The following ADAMTSL1 variants were observed in gnomAD, a reference collection of about 807,000 sequenced individuals.
ADAMTSL1 encodes the protein ADAMTS-like protein 1.
Under a neutral mutation model 201.8 loss-of-function variants are expected in ADAMTSL1, and 126 were observed. That is an observed-to-expected ratio of 0.62 (90% CI 0.54 to 0.72). The LOEUF (loss-of-function observed/expected upper bound fraction) is 0.72. Ranked by LOEUF, ADAMTSL1 falls within the 30% of genes least tolerant of loss-of-function variation. The pLI is 0.00. For synonymous variants in ADAMTSL1, 1,121 were observed against 903.4 expected (o/e 1.24, Z -4.32); for missense variants, 2,679 against 2,277.8 (o/e 1.18, Z -3.59).
intron 1 of ADAMTSL1, among the ~76,000 whole-genome samples, chr9:18,111,389 T>A (rs1824999129): frequency 6.6e-6 from 1 of 152,150 alleles, no homozygotes; most frequent in East Asian, 1.9e-4. Context: ...TTAAGGAAAA[T>A]TTTATCCATG....
intron 13 of ADAMTSL1, among the ~76,000 whole-genome samples, chr9:18,692,453 C>G (rs1291500227): frequency 1.3e-5 from 2 of 151,700 alleles, no homozygotes; most frequent in Non-Finnish European, 2.9e-5. Flanking sequence ...TGGCTACTTT[C>G]AGAAAGCTAA....
intron 1 of ADAMTSL1, among the ~76,000 whole-genome samples, chr9:18,139,689 G>C (rs1826314541): frequency 6.6e-6 from 1 of 152,078 alleles, no homozygotes; most frequent in Non-Finnish European, 1.5e-5. Flanking sequence ...TGCTATGTAG[G>C]TTATATTTTA....
intron 2 of ADAMTSL1, among the ~76,000 whole-genome samples, chr9:18,254,402 C>T (rs545929689): frequency 2.4e-5 from 3 of 124,056 alleles, no homozygotes; most frequent in African/African-American, 6.2e-5. Context: ...TCGCTCTGTC[C>T]CCCAGGCTGG....
At chr9:18,242,753 A>T (rs377386893) in intron 2 of ADAMTSL1, among the ~76,000 whole-genome samples, 1 of 152,144 alleles carries the variant, frequency 6.6e-6, no homozygotes, top group Non-Finnish European at 1.5e-5. Context: ...AATCCCATTT[A>T]TGATAGTTTT....
At chr9:17,925,213 T>C (rs1826475827) in intron 1 of ADAMTSL1, among the ~76,000 whole-genome samples, 1 of 118,062 alleles carries the variant, frequency 8.5e-6, no homozygotes, top group South Asian at 3.2e-4. Flanking sequence ...CAACAGGTGC[T>C]GAAGAGGATG....
At chr9:18,608,485 TGGG>T (rs66569907) in intron 4 of ADAMTSL1, among the ~76,000 whole-genome samples, 6,336 of 152,304 alleles carry the variant, frequency 0.042, 168 homozygotes, top group East Asian at 0.13. Flanking sequence ...TCTTTCTGAA[TGGG>T]AAAATGTATG....
In ADAMTSL1 at chr9:18,527,617, A is replaced by G. The variant is rs185174096; in HGVS notation, c.192-5630A>G. On this transcript the variant is annotated intron_variant, in intron 2 of 28. Coordinates refer to ENST00000380548, the MANE Select transcript of ADAMTSL1 (RefSeq NM_001040272.6). ...AGGTTGTTAAATGACAGTTGAAACTATAACATCAGGATTTTAAGAAGTGGA... is the reference window on the plus strand; with the variant it reads ...AGGTTGTTAAATGACAGTTGAAACTGTAACATCAGGATTTTAAGAAGTGGA... Among the ~76,000 whole-genome samples, 6 of 152,298 alleles carry G rather than the reference A, an allele frequency of 3.9e-5. No homozygotes were observed. The East Asian group carries it at 5.8e-4, about 15-fold the overall frequency.
intron 1 of ADAMTSL1, among the ~76,000 whole-genome samples, chr9:18,063,623 T>C (rs1475469895): frequency 6.6e-6 from 1 of 152,200 alleles, no homozygotes; most frequent in Non-Finnish European, 1.5e-5. Context: ...CCCGTCAGAA[T>C]GGCGGGCAGC....
At chr9:18,533,023 A>G (rs113655940) in intron 2 of ADAMTSL1, among the ~76,000 whole-genome samples, 34 of 152,168 alleles carry the variant, frequency 2.2e-4, no homozygotes, top group African/African-American at 8.2e-4. Context: ...AATTTTTGAA[A>G]CAAGATAAAT....
intron 23 of ADAMTSL1, among the ~76,000 whole-genome samples, chr9:18,883,217 T>C (rs1828646848): frequency 6.6e-6 from 1 of 152,164 alleles, no homozygotes; most frequent in Admixed American, 6.5e-5. Context: ...TTCTTACTGA[T>C]CTTACTTAGT....
At chr9:18,195,527 C>T (rs1829141614) in intron 2 of ADAMTSL1, among the ~76,000 whole-genome samples, 1 of 152,264 alleles carries the variant, frequency 6.6e-6, no homozygotes, top group African/African-American at 2.4e-5. Flanking sequence ...ACGTCTCATG[C>T]TGTTTCCAGG....
chr9:18,616,068 C>T (rs1438007657), intron 4 of ADAMTSL1, among the ~76,000 whole-genome samples: 1 of 152,132 alleles, frequency 6.6e-6, no homozygotes, highest in Admixed American at 6.5e-5. Context: ...TTCTGTTGCC[C>T]AGGCTGGAGT....
chr9:17,979,778 G>A (rs1448955040), intron 1 of ADAMTSL1, among the ~76,000 whole-genome samples: 1 of 152,100 alleles, frequency 6.6e-6, no homozygotes, highest in Non-Finnish European at 1.5e-5. Flanking sequence ...GGCTTCAATA[G>A]TGAAACCCTT....
chr9:18,886,223 CAT>C (rs1828882389), intron 23 of ADAMTSL1, among the ~76,000 whole-genome samples: 1 of 104,562 alleles, frequency 9.6e-6, no homozygotes, highest in African/African-American at 3.3e-5. Context: ...CACACACATA[CAT>C]ATACATACAT....
chr9:18,024,019 C>A (rs989659784), intron 1 of ADAMTSL1, among the ~76,000 whole-genome samples: 3 of 151,818 alleles, frequency 2.0e-5, no homozygotes, highest in Non-Finnish European at 4.4e-5. Context: ...TTTTATGGTG[C>A]CCCCTTCCCT....
At chr9:18,048,562 C>T (rs755822817) in intron 1 of ADAMTSL1, among the ~76,000 whole-genome samples, 15 of 152,014 alleles carry the variant, frequency 9.9e-5, no homozygotes, top group East Asian at 1.9e-4. Context: ...TGTTACTAAT[C>T]GGGGAAATTG....
intron 2 of ADAMTSL1, among the ~76,000 whole-genome samples, chr9:18,415,962 G>A (rs569017180): frequency 6.6e-5 from 10 of 152,046 alleles, no homozygotes; most frequent in African/African-American, 9.6e-5. Flanking sequence ...AATATCTCTC[G>A]CAAATGTAGG....
At chr9:18,266,529 G>T (rs1832123637) in intron 2 of ADAMTSL1, among the ~76,000 whole-genome samples, 1 of 152,192 alleles carries the variant, frequency 6.6e-6, no homozygotes, top group Non-Finnish European at 1.5e-5. Flanking sequence ...TGAGGGTCAG[G>T]CTCTTTCTTC....
chr9:18,758,933 T>A (rs1285951520), intron 16 of ADAMTSL1, among the ~76,000 whole-genome samples: 2 of 152,230 alleles, frequency 1.3e-5, no homozygotes, highest in African/African-American at 4.8e-5. Flanking sequence ...TATATCAATG[T>A]ATATATCATA....
Sources: allele counts gnomAD v4.1 joint callset (sites outside exome capture counted in the v4.1 genomes callset), GRCh38; gene constraint gnomAD v4.1.1; transcripts MANE v1.5; gene names NCBI Gene and HGNC (gene_info 2026-07-23, HGNC 2026-07-21).